Variants in TAS2R1 observed in about 807,000 individuals in gnomAD.
TAS2R1 encodes the protein taste 2 receptor member 1.
For synonymous variants in TAS2R1, 141 were observed against 134.2 expected, an observed-to-expected ratio of 1.05 and a Z score of -0.35; for missense variants, 370 against 353.4, an observed-to-expected ratio of 1.05 and a Z score of -0.38.
At chr5:9,733,340 C>G in the TAS2R1 span, among the ~76,000 whole-genome samples, 1 of 152,164 alleles carries the variant, frequency 6.6e-6, no homozygotes, top group Non-Finnish European at 1.5e-5. Flanking sequence ...GCAGTTAGGA[C>G]AGAGACCAAA....
At chr5:9,679,575 G>T (rs1431229802) in intron 1 of TAS2R1, among the ~76,000 whole-genome samples, 1 of 152,038 alleles carries the variant, frequency 6.6e-6, no homozygotes, top group Non-Finnish European at 1.5e-5. Flanking sequence ...CCAAAAATAA[G>T]GGCTACCAAT....
chr5:9,882,484 G>C, the TAS2R1 span, among the ~76,000 whole-genome samples: 1 of 152,108 alleles, frequency 6.6e-6, no homozygotes, highest in African/African-American at 2.4e-5. Context: ...AAATTAGCTG[G>C]ACATGGTGGC....
the TAS2R1 span, among the ~76,000 whole-genome samples, chr5:9,831,636 C>T: frequency 9.9e-5 from 14 of 141,128 alleles, no homozygotes; most frequent in Non-Finnish European, 2.1e-4. Flanking sequence ...TTTTTCAAAT[C>T]GTAACATATT....
At chr5:9,788,846 A>C in the TAS2R1 span, among the ~76,000 whole-genome samples, 1 of 152,198 alleles carries the variant, frequency 6.6e-6, no homozygotes, top group Non-Finnish European at 1.5e-5. Flanking sequence ...TTTTCTATGT[A>C]AATTTTCTTC....
the TAS2R1 span, among the ~76,000 whole-genome samples, chr5:9,796,251 G>A: frequency 2.6e-5 from 4 of 152,172 alleles, no homozygotes; most frequent in Non-Finnish European, 5.9e-5. Flanking sequence ...AAACAGATGT[G>A]TCCACAGTAG....
At chr5:9,653,511 G>C (rs1298541944) in intron 2 of TAS2R1, among the ~76,000 whole-genome samples, 1 of 152,166 alleles carries the variant, frequency 6.6e-6, no homozygotes, top group Non-Finnish European at 1.5e-5. Context: ...CCTATTGTCA[G>C]GCTTTTTGAG....
At chr5:9,794,616 G>A in the TAS2R1 span, among the ~76,000 whole-genome samples, 1 of 152,100 alleles carries the variant, frequency 6.6e-6, no homozygotes, top group African/African-American at 2.4e-5. Context: ...CTTAAAAATT[G>A]AGCCTCTATT....
the TAS2R1 span, among the ~76,000 whole-genome samples, chr5:9,751,026 T>C: frequency 6.6e-6 from 1 of 151,704 alleles, no homozygotes; most frequent in South Asian, 2.1e-4. Context: ...AGCCCAGAAA[T>C]GACCAGGGCA....
At chr5:9,632,606 CCTT>C (rs1297330528), upstream of TAS2R1, among the ~76,000 whole-genome samples, 1 of 152,170 alleles carries the variant, frequency 6.6e-6, no homozygotes, top group African/African-American at 2.4e-5. Flanking sequence ...TGTTCTGAAT[CCTT>C]TGTTGTCATT....
At chr5:9,705,752 C>T (rs1329720934) in intron 1 of TAS2R1, among the ~76,000 whole-genome samples, 2 of 152,058 alleles carry the variant, frequency 1.3e-5, no homozygotes, top group African/African-American at 2.4e-5. Flanking sequence ...CCCAGCTACT[C>T]GGGAGGCTGA....
the TAS2R1 span, among the ~76,000 whole-genome samples, chr5:9,797,937 T>C: frequency 6.6e-6 from 1 of 152,194 alleles, no homozygotes; most frequent in Non-Finnish European, 1.5e-5. Flanking sequence ...CAAAGATGTG[T>C]ATACGAATGT....
At chr5:9,736,693 G>A in the TAS2R1 span, among the ~76,000 whole-genome samples, 1 of 152,098 alleles carries the variant, frequency 6.6e-6, no homozygotes, top group African/African-American at 2.4e-5. Flanking sequence ...AGGTCCTGCT[G>A]GGGAATCCAA....
chr5:9,778,854 G>A, the TAS2R1 span, among the ~76,000 whole-genome samples: 2 of 152,192 alleles, frequency 1.3e-5, no homozygotes, highest in East Asian at 3.8e-4. Context: ...CAGCAATAAG[G>A]CCCTTTTGCT....
chr5:9,780,662 GAACT>G, the TAS2R1 span, among the ~76,000 whole-genome samples: 6 of 142,312 alleles, frequency 4.2e-5, no homozygotes, highest in African/African-American at 7.8e-5. Context: ...CAGACAAATG[GAACT>G]AACAGAATGT....
chr5:9,631,640 A>C (rs1481472945), upstream of TAS2R1, among the ~76,000 whole-genome samples: 1 of 152,232 alleles, frequency 6.6e-6, no homozygotes, highest in Non-Finnish European at 1.5e-5. Context: ...GCACTTAATC[A>C]AAAGGTACCT....
At chr5:9,741,530 T>C in the TAS2R1 span, among the ~76,000 whole-genome samples, 1 of 152,174 alleles carries the variant, frequency 6.6e-6, no homozygotes, top group Non-Finnish European at 1.5e-5. Flanking sequence ...CGAGAAAATT[T>C]GGGGGATCTT....
the TAS2R1 span, among the ~76,000 whole-genome samples, chr5:9,732,531 G>A: frequency 6.6e-6 from 1 of 152,308 alleles, no homozygotes; most frequent in Middle Eastern, 3.4e-3. Context: ...CTGTCCCAGA[G>A]GCATAGACAG....
chr5:9,878,694 G>A, the TAS2R1 span, among the ~76,000 whole-genome samples: 1 of 152,148 alleles, frequency 6.6e-6, no homozygotes, highest in Non-Finnish European at 1.5e-5. Context: ...GAGGTCAGCT[G>A]GGCTTCCTCC....
chr5:9,885,582 A>G, the TAS2R1 span, among the ~76,000 whole-genome samples: 1 of 152,250 alleles, frequency 6.6e-6, no homozygotes, highest in Non-Finnish European at 1.5e-5. Context: ...TAAAAATGAT[A>G]TAAGTCAGGG....
Sources: gnomAD v4.1 joint callset for allele counts (sites outside exome capture counted in the v4.1 genomes callset) on GRCh38, gnomAD v4.1.1 for gene constraint, MANE v1.5 for transcripts, NCBI Gene and HGNC (gene_info 2026-07-23, HGNC 2026-07-21) for gene names.